Variants in RND3 observed in about 807,000 individuals in gnomAD.
RND3 encodes Rho family GTPase 3.
Under a neutral mutation model 26.5 loss-of-function variants are expected in RND3, and 8 were observed. The observed-to-expected ratio is 0.30, with a 90% CI of 0.18 to 0.54. The LOEUF (loss-of-function observed/expected upper bound fraction) is 0.54, where lower values mean the gene tolerates loss of function less well. RND3 is among the 20% of genes least tolerant of loss of function. The pLI, the probability that RND3 is intolerant of heterozygous loss-of-function variation, is 0.94. For missense variants in RND3, 207 were observed against 302.8 expected, an observed-to-expected ratio of 0.68 and a Z score of 2.35; for synonymous variants, 113 against 113.0, an observed-to-expected ratio of 1.00 and a Z score of 0.00.
At position 150,484,252 on chromosome 2, in the gene RND3, G is replaced by C. The variant is rs73967181; in HGVS notation, c.238+2442C>G. Among the ~76,000 whole-genome samples, 786 of 152,318 alleles carry C rather than the reference G, an allele frequency of 5.2e-3. 5 individuals are homozygous for C. Among genetic ancestry groups the C allele is most frequent in the African/African-American group, 0.018 (739 of 41,566 alleles). On this transcript the variant is annotated intron_variant, in intron 3 of 5. Coordinates refer to ENST00000263895, the MANE Select transcript of RND3 (RefSeq NM_005168.5). The stretch of plus-strand genomic sequence containing the variant: ...CAGAGTCTACGAACTGCAGAGTTTT[G>C]ATTAAATGCATGAAGATACCTGAAG...
chr2:150,476,153 A>G (rs1485709319), intron 3 of RND3, among the ~76,000 whole-genome samples: 2 of 152,214 alleles, frequency 1.3e-5, no homozygotes, highest in East Asian at 1.9e-4. Flanking sequence ...CTAAACCACC[A>G]AACTCTTTTT....
chr2:150,486,200 C>T lies in RND3; in HGVS notation c.238+494G>A, dbSNP rs1686357946. ...CGGCTGCCTGCGCTCAGTTTCTTTC[C>T]CTCAACAGCGGCAATTGCACGTAAC... On this transcript the variant is annotated intron_variant, in intron 3 of 5. Transcript: ENST00000263895. This position sits in a 1 kb window ranked among gnomAD's most constrained non-coding sequence, Gnocchi z 4.5. 6.6e-6 allele frequency among the ~76,000 whole-genome samples: 1 copy of T among 152,114 alleles called. No homozygotes were observed. Among genetic ancestry groups the T allele is most frequent in the East Asian group, 1.9e-4 (1 of 5,138 alleles).
rs1188343527 is a variant in RND3 at position 150,486,353 on chromosome 2, G to T, written c.238+341C>A. Among the ~76,000 whole-genome samples, 4 of 152,142 alleles carry T rather than the reference G, an allele frequency of 2.6e-5. No individual in the cohort carries two copies. Among genetic ancestry groups the T allele is most frequent in the Non-Finnish European group, 5.9e-5 (4 of 68,028 alleles). ...GCCGGGTGGTTCCGCCGAGGCGCACGCAGCGCCCATGCAACACCCCACAGT... is the reference window on the plus strand; with the variant it reads ...GCCGGGTGGTTCCGCCGAGGCGCACTCAGCGCCCATGCAACACCCCACAGT... On this transcript the variant is annotated intron_variant, in intron 3 of 5. Transcript: ENST00000263895. This position sits in a 1 kb window ranked among gnomAD's most constrained non-coding sequence, Gnocchi z 4.5.
intron 3 of RND3, among the ~76,000 whole-genome samples, chr2:150,477,216 G>A (rs933556998): frequency 1.3e-5 from 2 of 152,106 alleles, no homozygotes; most frequent in Non-Finnish European, 2.9e-5. Context: ...TCCCTGTGGA[G>A]AGCTTCCAGT....
Position 150,469,151 on chromosome 2 carries a change from C to T in RND3, c.*836G>A, listed in dbSNP as rs1029231390. 1 of 152,562 alleles carries T rather than the reference C, an allele frequency of 6.6e-6. No individual in the cohort carries two copies. Among genetic ancestry groups the T allele is most frequent in the Non-Finnish European group, 1.5e-5 (1 of 68,018 alleles). 9.5% of individuals were successfully genotyped at this position (152,562 alleles called of 1,614,324 possible). On this transcript the variant is annotated 3_prime_UTR_variant, in exon 6 of 6. Coordinates refer to ENST00000263895, the MANE Select transcript of RND3 (RefSeq NM_005168.5). Reference sequence around the variant, plus strand: ...CATTCTATGACATCAAACCAAGACACCTTTTATTTGACTTTGCATTTTTAT... The same window carrying T: ...CATTCTATGACATCAAACCAAGACATCTTTTATTTGACTTTGCATTTTTAT...
chr2:150,470,474 T>C (rs1420400768), intron 5 of RND3, among the ~76,000 whole-genome samples: 1 of 152,154 alleles, frequency 6.6e-6, no homozygotes, highest in Non-Finnish European at 1.5e-5. Flanking sequence ...CTCTCATGGC[T>C]CATTAGAGGT....
chr2:150,472,605 T>C (rs1011197755), intron 4 of RND3, among the ~76,000 whole-genome samples: 1 of 152,096 alleles, frequency 6.6e-6, no homozygotes, highest in Non-Finnish European at 1.5e-5. Context: ...GAGTCAAGAG[T>C]TCAGGGCGGT....
At chr2:150,470,383 A>T in intron 5 of RND3, 145 bp from the exon 6 acceptor site, 2 of 854,470 alleles carry the variant, frequency 2.3e-6, no homozygotes, top group Non-Finnish European at 3.5e-6. Flanking sequence ...TTGCAAAAAA[A>T]AAAAGTTGTT....
At chr2:150,484,843 C>T (rs1686331694) in intron 3 of RND3, among the ~76,000 whole-genome samples, 1 of 152,176 alleles carries the variant, frequency 6.6e-6, no homozygotes, top group Admixed American at 6.5e-5. Context: ...ACGACTGGTT[C>T]AGACACACTG....
At chr2:150,474,081 G>A (rs891108928) in intron 4 of RND3, among the ~76,000 whole-genome samples, 5 of 152,138 alleles carry the variant, frequency 3.3e-5, no homozygotes, top group South Asian at 2.1e-4. Flanking sequence ...GGACTAACAC[G>A]GCATGTGCCT....
chr2:150,484,710 C>A (rs1456740578), intron 3 of RND3, among the ~76,000 whole-genome samples: 1 of 152,164 alleles, frequency 6.6e-6, no homozygotes, highest in Non-Finnish European at 1.5e-5. Context: ...AGAGATCCTG[C>A]ACATCATCTA....
chr2:150,482,998 A>G (rs925073172), intron 3 of RND3, among the ~76,000 whole-genome samples: 5 of 152,180 alleles, frequency 3.3e-5, no homozygotes, highest in Admixed American at 2.0e-4. Flanking sequence ...TAAGGTCTTG[A>G]CAGAGGGCCT....
chr2:150,471,544 TTTTTA>T (rs1397960725), intron 5 of RND3, 78 bp downstream of exon 5: 37 of 1,226,922 alleles, frequency 3.0e-5, no homozygotes, highest in Non-Finnish European at 4.1e-5. Flanking sequence ...AAGCAGCTAC[TTTTTA>T]TTTTATTTAT....
chr2:150,487,422 G>A lies in RND3; in HGVS notation c.-5C>T, dbSNP rs764400535. ...GCTGGCTCTTCTCTCCTTCATTGATGTTGCCTTATTTTCTCTTGGAACAGG... is the reference window on the plus strand; with the variant it reads ...GCTGGCTCTTCTCTCCTTCATTGATATTGCCTTATTTTCTCTTGGAACAGG... On this transcript the variant is annotated 5_prime_UTR_variant, in exon 2 of 6. Coordinates refer to ENST00000263895, the MANE Select transcript of RND3 (RefSeq NM_005168.5). The A allele has an allele frequency of 1.0e-5, 15 of 1,443,946 alleles. No individual in the cohort carries two copies. The highest frequency in any genetic ancestry group is 4.2e-5 in the Admixed American group (2 of 47,708). The allele number at this position is 1,443,946 out of a possible 1,614,324, so 89.4% of individuals were successfully genotyped here.
chr2:150,487,210 C>T, intron 2 of RND3, 58 bp downstream of exon 2: 6 of 1,335,654 alleles, frequency 4.5e-6, no homozygotes, highest in Non-Finnish European at 5.9e-6. Context: ...AGGCCCACCT[C>T]GGGACTGGGA....
At chr2:150,482,847 T>C (rs1686298754) in intron 3 of RND3, among the ~76,000 whole-genome samples, 1 of 152,102 alleles carries the variant, frequency 6.6e-6, no homozygotes, top group Admixed American at 6.6e-5. Flanking sequence ...GCACTGGGGT[T>C]CAAGGACCTG....
At chr2:150,472,180 T>A (rs1477404932) in intron 4 of RND3, among the ~76,000 whole-genome samples, 3 of 152,192 alleles carry the variant, frequency 2.0e-5, no homozygotes, top group Non-Finnish European at 4.4e-5. Context: ...AGGCTGGGGA[T>A]AAGGCAGAGG....
rs34091764 is a variant in RND3 at position 150,469,643 on chromosome 2, C to CAA, written c.*342_*343dup. The CAA allele has an allele frequency of 0.19, 33,593 of 180,380 alleles. 2,769 individuals are homozygous for CAA. Among genetic ancestry groups the CAA allele is most frequent in the African/African-American group, 0.29 (11,964 of 40,752 alleles). The allele number at this position is 180,380 out of a possible 1,614,324, so 11.2% of individuals were successfully genotyped here. On this transcript the variant is annotated 3_prime_UTR_variant, in exon 6 of 6. Transcript: ENST00000263895. Reference sequence around the variant, plus strand: ...GTGGAGATCCATGAATAGATTATAACAAAAAAAAAAAACCCAAAAATGCAA... The same window carrying CAA: ...GTGGAGATCCATGAATAGATTATAACAAAAAAAAAAAAAACCCAAAAATGCAA...
intron 3 of RND3, among the ~76,000 whole-genome samples, chr2:150,476,010 A>C (rs1253832774): frequency 6.6e-6 from 1 of 152,228 alleles, no homozygotes; most frequent in African/African-American, 2.4e-5. Context: ...AACTAAATAC[A>C]GCCTGCCAAA....
Sources: gnomAD v4.1 joint callset for allele counts (sites outside exome capture counted in the v4.1 genomes callset) on GRCh38, gnomAD v4.1.1 for gene constraint, Gnocchi (gnomAD v3.1) non-coding constraint, MANE v1.5 for transcripts, NCBI Gene and HGNC (gene_info 2026-07-23, HGNC 2026-07-21) for gene names.